Variants in PLCH2 observed in about 807,000 individuals in gnomAD.
The protein encoded by PLCH2 is phospholipase C eta 2, also known as 1-phosphatidylinositol 4,5-bisphosphate phosphodiesterase eta-2.
PLCH2 carries 98 observed loss-of-function variants against 134.7 expected under a neutral mutation model. The observed-to-expected ratio is 0.73, with a 90% CI of 0.62 to 0.86. The LOEUF is 0.86. PLCH2 is among the 40% of genes least tolerant of loss of function. The pLI, the probability that PLCH2 is intolerant of heterozygous loss-of-function variation, is 0.00. For synonymous variants in PLCH2, 974 were observed against 827.5 expected (o/e 1.18, Z -3.04); for missense variants, 1,994 against 1,986.6 (o/e 1.00, Z -0.07).
the PLCH2 span, among the ~76,000 whole-genome samples, chr1:2,420,644 G>A: frequency 4.6e-5 from 7 of 152,206 alleles, no homozygotes; most frequent in African/African-American, 1.7e-4. Context: ...GTCAGAGAGG[G>A]AGAGTTTAAG....
chr1:2,458,050 A>G (rs1224594883), intron 2 of PLCH2, among the ~76,000 whole-genome samples: 1 of 152,144 alleles, frequency 6.6e-6, no homozygotes, highest in African/African-American at 2.4e-5. Flanking sequence ...GCATCCCTGC[A>G]GGGCTGACTG....
rs369406672 is a variant in PLCH2 at position 2,504,848 on chromosome 1, C to T, written c.3886C>T (p.Arg1296Trp). 48 of 1,603,590 alleles carry T rather than the reference C, an allele frequency of 3.0e-5. No homozygotes were observed. The highest frequency in any genetic ancestry group is 3.8e-5 in the Non-Finnish European group (45 of 1,175,792). Reference protein sequence around the residue: ...TRRVSGPGVRRDTLTEQLRWL... With the variant: ...TRRVSGPGVRWDTLTEQLRWL... ...GCGGGTGTCGGGGCCAGGGGTGAGA[C>T]GGGACACCCTGACAGAGCAGCTGCG... The change falls in exon 22 of 22, where the codon CGG becomes TGG. Residue 1296 changes from arginine to tryptophan, a missense_variant. This residue lies in a region of PLCH2 where 900 missense variants were observed against 752.3 expected (regional missense o/e 1.20). Transcript: ENST00000378486.
chr1:2,449,434 G>T (rs1216954968), intron 2 of PLCH2, among the ~76,000 whole-genome samples: 1 of 152,236 alleles, frequency 6.6e-6, no homozygotes, highest in Non-Finnish European at 1.5e-5. Flanking sequence ...GGCAGAGGTT[G>T]CAGTGAGCTG....
intron 2 of PLCH2, among the ~76,000 whole-genome samples, chr1:2,459,794 G>C (rs892483897): frequency 5.3e-5 from 8 of 152,268 alleles, no homozygotes; most frequent in Admixed American, 2.6e-4. Context: ...GCTGGCGCGT[G>C]GGGAATACGC....
intron 2 of PLCH2, among the ~76,000 whole-genome samples, chr1:2,437,830 G>A (rs1639504179): frequency 6.6e-6 from 1 of 152,128 alleles, no homozygotes; most frequent in African/African-American, 2.4e-5. Flanking sequence ...ATGTTCACAT[G>A]CACCCAAACC....
intron 2 of PLCH2, among the ~76,000 whole-genome samples, chr1:2,446,379 A>T (rs1639942644): frequency 6.6e-6 from 1 of 152,012 alleles, no homozygotes; most frequent in Admixed American, 6.5e-5. Context: ...TGGAGTTAAG[A>T]CCCTGTAGCC....
At chr1:2,474,035 C>T (rs765363285), upstream of PLCH2, among the ~76,000 whole-genome samples, 13 of 152,292 alleles carry the variant, frequency 8.5e-5, no homozygotes, top group Non-Finnish European at 1.5e-4. Flanking sequence ...GTGGCTTCTT[C>T]GGCCTCCCTG....
Position 2,437,059 on chromosome 1 carries a change from C to T in PLCH2, c.115+6430C>T, listed in dbSNP as rs987994312. 1.1e-4 allele frequency among the ~76,000 whole-genome samples: 16 copies of T among 152,308 alleles called. No homozygotes were observed. The East Asian group carries it at 1.2e-3, about 11-fold the overall frequency. On this transcript the variant is annotated intron_variant, in intron 2 of 3. Transcript: ENST00000609981. ...CCACAGTCCCCAGCCCAGACAGGGC[C>T]GCCAGGCCTCTCGCCTTCTGTGGGG...
rs3001348 is a variant in PLCH2 at position 2,495,318 on chromosome 1, C to T, written c.1753-170C>T. On this transcript the variant is annotated intron_variant, in intron 12 of 21. Transcript: ENST00000378486. ...CCTGAGAGTCTGCCAGAGCCCAGATCGAGAGGGCACCGAGGAGGCTTTGGC... is the reference window on the plus strand; with the variant it reads ...CCTGAGAGTCTGCCAGAGCCCAGATTGAGAGGGCACCGAGGAGGCTTTGGC... 9.7e-3 allele frequency among the ~76,000 whole-genome samples: 1,475 copies of T among 152,264 alleles called. 26 individuals are homozygous for T. Among genetic ancestry groups the T allele is most frequent in the African/African-American group, 0.033 (1,391 of 41,560 alleles).
intron 2 of PLCH2, among the ~76,000 whole-genome samples, chr1:2,437,384 A>G (rs556488477): frequency 6.6e-6 from 1 of 152,114 alleles, no homozygotes; most frequent in Admixed American, 6.5e-5. Context: ...CCAGCTGGAC[A>G]GCTCTGCCCA....
In PLCH2 at chr1:2,503,981, G is replaced by A. The variant is rs774865931; in HGVS notation, c.3019G>A (p.Ala1007Thr). ...LPPLCSLETIAEEPAPGPGPP... is the reference protein window; with the variant it reads ...LPPLCSLETITEEPAPGPGPP... ...CCCACTGTGCAGCCTGGAAACCATC[G>A]CTGAGGAGCCCGCCCCAGGCCCTGG... is the stretch of plus-strand genomic sequence containing the variant. Residue 1007 changes from alanine (A) to threonine (T), a missense_variant, in exon 22 of 22, where the codon GCT (alanine) becomes ACT (threonine). Around this residue, in one of 2 missense-constraint regions of PLCH2, gnomAD observed 900 missense variants for 752.3 expected, o/e 1.20. Coordinates refer to ENST00000378486, the MANE Select transcript of PLCH2 (RefSeq NM_014638.4). The A allele has an allele frequency of 7.4e-6, 11 of 1,496,570 alleles. No homozygotes were observed. Among genetic ancestry groups the A allele is most frequent in the South Asian group, 2.4e-5 (2 of 82,578 alleles). The allele number at this position is 1,496,570 out of a possible 1,614,324, so 92.7% of individuals were successfully genotyped here.
intron 2 of PLCH2, among the ~76,000 whole-genome samples, chr1:2,459,078 G>T (rs1640641866): frequency 6.6e-6 from 1 of 152,266 alleles, no homozygotes; most frequent in Non-Finnish European, 1.5e-5. Context: ...CGGTGGCTGG[G>T]TTGCACCCAT....
chr1:2,426,675 G>A (rs1053505852), intron 1 of PLCH2, among the ~76,000 whole-genome samples: 11 of 152,270 alleles, frequency 7.2e-5, no homozygotes, highest in Non-Finnish European at 1.3e-4. Flanking sequence ...GCTGGCCCCT[G>A]AGCGCAGATG....
chr1:2,431,983 G>A (rs1300557410), intron 2 of PLCH2, among the ~76,000 whole-genome samples: 4 of 152,188 alleles, frequency 2.6e-5, no homozygotes, highest in Admixed American at 6.5e-5. Context: ...AAGGTGCCCC[G>A]GGTGGTGTGG....
At position 2,496,928 on chromosome 1, in the gene PLCH2, C is replaced by G; in HGVS notation, c.2034C>G (p.Leu678=). Reference sequence around the variant, plus strand: ...ACCTACGCTTCAACCAGCAGCAGCTCTCCCGCATCTACCCCTCCTCCTACC... The same window carrying G: ...ACCTACGCTTCAACCAGCAGCAGCTGTCCCGCATCTACCCCTCCTCCTACC... ...AQYLRFNQQQ[L]SRIYPSSYRV... is the part of the protein sequence containing the mutation. Residue 678 remains leucine, a synonymous_variant, in exon 15 of 22, where the codon CTC becomes CTG. Coordinates refer to ENST00000378486, the MANE Select transcript of PLCH2 (RefSeq NM_014638.4). 1 of 1,613,318 alleles carries G rather than the reference C, an allele frequency of 6.2e-7. No individual in the cohort carries two copies. The highest frequency in any genetic ancestry group is 1.3e-5 in the African/African-American group (1 of 75,076).
At chr1:2,467,399 G>C (rs1641105777), upstream of PLCH2, 1 of 386,164 alleles carries the variant, frequency 2.6e-6, no homozygotes, top group Non-Finnish European at 4.6e-6. Flanking sequence ...GGGCTCCCAC[G>C]GGAGGGGCGG....
Position 2,499,107 on chromosome 1 carries a change from A to G in PLCH2, c.2458A>G (p.Thr820Ala). The change falls in exon 19 of 22, where the codon ACC becomes GCC. Residue 820 changes from threonine (T) to alanine (A), a missense_variant. Around this residue, in one of 2 missense-constraint regions of PLCH2, gnomAD observed 1,094 missense variants for 1,234.3 expected, o/e 0.89. Transcript: ENST00000378486. ...AGGGTTCAACCCCACCTGGGAGGAG[A>G]CCCTGGTTTTCATGGTGCACATGCC... ...DNGFNPTWEE[T>A]LVFMVHMPEI... 6.2e-7 allele frequency: 1 copy of G among 1,611,394 alleles called. No homozygotes were observed. The highest frequency in any genetic ancestry group is 8.5e-7 in the Non-Finnish European group (1 of 1,179,238).
At chr1:2,441,740 G>A (rs1188708438) in intron 2 of PLCH2, among the ~76,000 whole-genome samples, 1 of 152,154 alleles carries the variant, frequency 6.6e-6, no homozygotes, top group Non-Finnish European at 1.5e-5. Flanking sequence ...GTGTGGCCAA[G>A]GGAGCCAGGA....
At chr1:2,446,786 G>T (rs1264399574) in intron 2 of PLCH2, among the ~76,000 whole-genome samples, 2 of 152,194 alleles carry the variant, frequency 1.3e-5, no homozygotes, top group Admixed American at 1.3e-4. Flanking sequence ...GGGGCCTGCA[G>T]AGGGGTCAGA....
Sources: gnomAD v4.1 joint callset for allele counts (sites outside exome capture counted in the v4.1 genomes callset) on GRCh38, gnomAD v4.1.1 for gene constraint, gnomAD v4.1.1 regional missense constraint, MANE v1.5 for transcripts, NCBI Gene and HGNC (gene_info 2026-07-23, HGNC 2026-07-21) for gene names.